CTBP2: variants seen among roughly 807,000 people sequenced by gnomAD.
CTBP2 encodes the protein C-terminal binding protein 2.
A neutral mutation model predicts 80.3 loss-of-function variants in CTBP2; 30 were observed. That is an observed-to-expected ratio of 0.37 (90% CI 0.28 to 0.51). The LOEUF is 0.51. CTBP2 is among the 20% of genes least tolerant of loss of function. The pLI, the probability that CTBP2 is intolerant of heterozygous loss-of-function variation, is 0.93. For synonymous variants in CTBP2, 594 were observed against 587.4 expected (o/e 1.01, Z -0.16); for missense variants, 1,212 against 1,375.3 (o/e 0.88, Z 1.88).
intron 1 of CTBP2, among the ~76,000 whole-genome samples, chr10:125,135,863 G>A (rs1856897189): frequency 6.6e-6 from 1 of 152,110 alleles, no homozygotes; most frequent in Non-Finnish European, 1.5e-5. Flanking sequence ...TTAAGAAGTC[G>A]GCCTCCCAGG....
intron 1 of CTBP2, chr10:125,005,490 G>C (rs1955115412): frequency 2.0e-6 from 3 of 1,515,456 alleles, no homozygotes; most frequent in East Asian, 2.4e-5. Flanking sequence ...CAGGAAAACA[G>C]GGCAGGGGAG....
At chr10:125,138,853 C>G (rs1211662933) in intron 1 of CTBP2, among the ~76,000 whole-genome samples, 1 of 152,194 alleles carries the variant, frequency 6.6e-6, no homozygotes, top group Admixed American at 6.5e-5. Context: ...GCCCGTCCGT[C>G]TCTTCACTCG....
In CTBP2 at chr10:125,038,981, C is replaced by G; in HGVS notation, c.58+16G>C. The G allele has an allele frequency of 6.2e-7, 1 of 1,612,494 alleles. No homozygotes were observed. Among genetic ancestry groups the G allele is most frequent in the Non-Finnish European group, 8.5e-7 (1 of 1,179,300 alleles). ...GACTACGTATGTTTGGTAAAAACCG[C>G]CAAACACGCTCTTACCTTCACAAAT... is the stretch of plus-strand genomic sequence containing the variant. On this transcript the variant is annotated intron_variant, in intron 3 of 10. Coordinates refer to the CTBP2 transcript ENST00000337195.
chr10:125,092,105 G>A (rs985360787), intron 2 of CTBP2, among the ~76,000 whole-genome samples: 7 of 150,964 alleles, frequency 4.6e-5, no homozygotes, highest in Non-Finnish European at 1.0e-4. Flanking sequence ...TGGTGCATTA[G>A]AGCTTTCTTG....
chr10:125,062,592 G>A (rs919944889), intron 2 of CTBP2, among the ~76,000 whole-genome samples: 2 of 152,138 alleles, frequency 1.3e-5, no homozygotes, highest in Non-Finnish European at 2.9e-5. Context: ...GACCGGGTGC[G>A]GTAGCTCACA....
upstream of CTBP2, among the ~76,000 whole-genome samples, chr10:125,031,210 C>T (rs998232325): frequency 2.0e-5 from 3 of 152,040 alleles, no homozygotes; most frequent in Admixed American, 6.6e-5. Flanking sequence ...TTTCTTGGGC[C>T]GGGTGCCGTG....
In CTBP2 at chr10:124,985,254, A is replaced by T. The variant is rs985295273; in HGVS notation, c.*4264T>A. 1.5e-5 allele frequency: 6 copies of T among 388,806 alleles called. No homozygotes were observed. The highest frequency in any genetic ancestry group is 6.8e-4 in the Middle Eastern group (1 of 1,462). The allele number at this position is 388,806 out of a possible 1,614,324, so 24.1% of individuals were successfully genotyped here. A position where few individuals can be genotyped will look rare whatever the true frequency, so the allele number is the denominator to read the frequency against. ...AACTTTTTTTCCTTCCAAATTGTAA[A>T]TCTGTCTATAAATGTAACGCATGTG... On this transcript the variant is annotated 3_prime_UTR_variant, in exon 9 of 9. Transcript: ENST00000309035.
chr10:125,075,368 T>C (rs909155070), intron 2 of CTBP2, among the ~76,000 whole-genome samples: 1 of 152,186 alleles, frequency 6.6e-6, no homozygotes, highest in Non-Finnish European at 1.5e-5. Context: ...CATTAATGAA[T>C]CAATGCTGTT....
At chr10:125,095,396 G>A (rs1171352917) in intron 2 of CTBP2, among the ~76,000 whole-genome samples, 3 of 152,136 alleles carry the variant, frequency 2.0e-5, no homozygotes, top group Admixed American at 6.5e-5. Flanking sequence ...GCCCAGCCAC[G>A]CTTCCAAGGG....
chr10:125,105,290 G>A (rs1851280601), intron 2 of CTBP2, among the ~76,000 whole-genome samples: 1 of 152,176 alleles, frequency 6.6e-6, no homozygotes. Context: ...GAGGACCACA[G>A]ATACACACCA....
chr10:125,058,819 G>C (rs960243744), intron 2 of CTBP2, among the ~76,000 whole-genome samples: 1 of 152,120 alleles, frequency 6.6e-6, no homozygotes, highest in African/African-American at 2.4e-5. Flanking sequence ...ATTTGAACCC[G>C]GGAGGCGGTG....
intron 2 of CTBP2, among the ~76,000 whole-genome samples, chr10:125,076,179 T>TA (rs1460980052): frequency 1.3e-5 from 2 of 152,104 alleles, no homozygotes; most frequent in Admixed American, 1.3e-4. Context: ...TATCATCCCT[T>TA]AACACCACAG....
chr10:125,140,317 G>A (rs948755653), intron 1 of CTBP2, among the ~76,000 whole-genome samples: 2 of 152,004 alleles, frequency 1.3e-5, no homozygotes, highest in Non-Finnish European at 2.9e-5. Context: ...GATGCACCGA[G>A]ATCACGGGAA....
At chr10:125,104,234 G>C (rs1051238137) in intron 2 of CTBP2, among the ~76,000 whole-genome samples, 1 of 152,138 alleles carries the variant, frequency 6.6e-6, no homozygotes, top group African/African-American at 2.4e-5. Flanking sequence ...CTGTGCGGGC[G>C]CCATTGTTGT....
intron 2 of CTBP2, among the ~76,000 whole-genome samples, chr10:125,077,574 A>G (rs1023600357): frequency 6.6e-6 from 1 of 152,222 alleles, no homozygotes; most frequent in African/African-American, 2.4e-5. Flanking sequence ...TGAAGGGATC[A>G]AAGAATAAAG....
At chr10:125,055,366 C>T (rs1458757563) in intron 2 of CTBP2, among the ~76,000 whole-genome samples, 1 of 152,192 alleles carries the variant, frequency 6.6e-6, no homozygotes, top group African/African-American at 2.4e-5. Flanking sequence ...AAAAACCACG[C>T]AGGTGCCATG....
At chr10:125,154,146 T>A (rs1350803008) in intron 1 of CTBP2, among the ~76,000 whole-genome samples, 4 of 152,216 alleles carry the variant, frequency 2.6e-5, no homozygotes, top group African/African-American at 4.8e-5. Flanking sequence ...GAGGAGAGCT[T>A]TGGAGGAAGC....
At chr10:125,161,737 C>T (rs1175042978), upstream of CTBP2, among the ~76,000 whole-genome samples, 2 of 152,062 alleles carry the variant, frequency 1.3e-5, no homozygotes, top group South Asian at 2.1e-4. Flanking sequence ...AAGGTTCCCT[C>T]TTGCTGCCTG....
At chr10:125,094,559 A>G (rs1033783947) in intron 2 of CTBP2, among the ~76,000 whole-genome samples, 2 of 152,182 alleles carry the variant, frequency 1.3e-5, no homozygotes, top group Non-Finnish European at 2.9e-5. Context: ...GACAAGGGCC[A>G]TGGAATCAAC....
Sources: allele counts gnomAD v4.1 joint callset (sites outside exome capture counted in the v4.1 genomes callset), GRCh38; gene constraint gnomAD v4.1.1; transcripts MANE v1.5; gene names NCBI Gene and HGNC (gene_info 2026-07-23, HGNC 2026-07-21).